ZNF385D: variants seen among roughly 807,000 people sequenced by gnomAD.
The protein encoded by ZNF385D is zinc finger protein 659.
Under a neutral mutation model 35.8 loss-of-function variants are expected in ZNF385D, and 15 were observed. The observed-to-expected ratio is 0.42, with a 90% CI of 0.28 to 0.64. The LOEUF (loss-of-function observed/expected upper bound fraction) is 0.64. Among genes scored for constraint, ZNF385D ranks in the 30% least tolerant of loss-of-function variants. The pLI is 0.23. For missense variants in ZNF385D, 474 were observed against 494.6 expected (o/e 0.96, Z 0.39); for synonymous variants, 212 against 186.8 (o/e 1.13, Z -1.10).
At chr3:22,090,272 T>G (rs1339919601) in intron 3 of ZNF385D, among the ~76,000 whole-genome samples, 1 of 152,198 alleles carries the variant, frequency 6.6e-6, no homozygotes, top group Non-Finnish European at 1.5e-5. Context: ...TATGCTTCAT[T>G]GCAGTGCTGA....
At chr3:21,471,001 A>C (rs1703850162) in intron 4 of ZNF385D, among the ~76,000 whole-genome samples, 1 of 152,124 alleles carries the variant, frequency 6.6e-6, no homozygotes. Context: ...AATATAGACT[A>C]ATATTGATCC....
chr3:22,343,222 A>G (rs1695502491), intron 2 of ZNF385D, among the ~76,000 whole-genome samples: 1 of 152,234 alleles, frequency 6.6e-6, no homozygotes, highest in African/African-American at 2.4e-5. Flanking sequence ...CTAATTCAAG[A>G]CCCATCATTA....
intron 4 of ZNF385D, among the ~76,000 whole-genome samples, chr3:21,471,254 T>TTC (rs1366485477): frequency 5.4e-4 from 57 of 105,236 alleles, no homozygotes; most frequent in African/African-American, 1.8e-3. Flanking sequence ...CTCCCTCCCT[T>TTC]TCTCTCTCTC....
intron 2 of ZNF385D, among the ~76,000 whole-genome samples, chr3:22,303,832 C>T (rs1472312765): frequency 6.6e-6 from 1 of 151,960 alleles, no homozygotes. Context: ...GGATAGAGTG[C>T]AATGGCGCAA....
intron 2 of ZNF385D, among the ~76,000 whole-genome samples, chr3:22,183,374 G>A (rs1695412386): frequency 1.3e-5 from 2 of 152,044 alleles, no homozygotes; most frequent in East Asian, 1.9e-4. Context: ...AATTTGAGAT[G>A]GAGTCTCACT....
chr3:21,785,219 C>T (rs2071641151), intron 3 of ZNF385D, among the ~76,000 whole-genome samples: 1 of 151,926 alleles, frequency 6.6e-6, no homozygotes, highest in Non-Finnish European at 1.5e-5. Context: ...TATCTGAGCC[C>T]CATATATTTT....
chr3:22,175,385 A>G (rs560601822), intron 2 of ZNF385D, among the ~76,000 whole-genome samples: 1 of 152,128 alleles, frequency 6.6e-6, no homozygotes, highest in East Asian at 1.9e-4. Context: ...TTGGAATATA[A>G]TTTCCAGAGA....
chr3:22,254,091 T>A (rs1700192678), intron 2 of ZNF385D, among the ~76,000 whole-genome samples: 2 of 151,810 alleles, frequency 1.3e-5, no homozygotes, highest in South Asian at 4.1e-4. Flanking sequence ...TTGCACAGTG[T>A]AAAACCTACA....
At chr3:21,920,137 G>C (rs551826223) in intron 3 of ZNF385D, among the ~76,000 whole-genome samples, 69 of 152,250 alleles carry the variant, frequency 4.5e-4, no homozygotes, top group African/African-American at 1.6e-3. Flanking sequence ...ATGCAACAGA[G>C]ACTATAGGTG....
chr3:22,035,277 T>A (rs561681971), intron 3 of ZNF385D, among the ~76,000 whole-genome samples: 1 of 152,304 alleles, frequency 6.6e-6, no homozygotes, highest in African/African-American at 2.4e-5. Flanking sequence ...GTCAAAATAA[T>A]GGCATTTAAA....
chr3:22,114,834 G>A (rs1486451436), intron 3 of ZNF385D, among the ~76,000 whole-genome samples: 1 of 151,988 alleles, frequency 6.6e-6, no homozygotes, highest in Admixed American at 6.6e-5. Flanking sequence ...TAGATCATGA[G>A]GACTTTTGTG....
chr3:22,034,861 A>C (rs1210212051), intron 3 of ZNF385D, among the ~76,000 whole-genome samples: 2 of 152,204 alleles, frequency 1.3e-5, no homozygotes, highest in African/African-American at 4.8e-5. Context: ...TGTATATGAT[A>C]ATTTAATAAA....
In ZNF385D at chr3:22,245,587, ATTTTAATTTTAAAATGGAAAATGTGTTT is replaced by A. The variant is rs1443860171; in HGVS notation, c.107-76580_107-76553del. On this transcript the variant is annotated intron_variant, in intron 2 of 5. Coordinates refer to the ZNF385D transcript ENST00000494108. Reference sequence around the variant, plus strand: ...TATTTTAAAGTTGCTTGATTAAAGCATTTTAATTTTAAAATGGAAAATGTGTTTCAGATTTGACAGCTTGCCACAACAG... The same window carrying A: ...TATTTTAAAGTTGCTTGATTAAAGCACAGATTTGACAGCTTGCCACAACAG... Among the ~76,000 whole-genome samples, 12 of 152,160 alleles carry A rather than the reference ATTTTAATTTTAAAATGGAAAATGTGTTT, an allele frequency of 7.9e-5. No homozygotes were observed. In the East Asian group the frequency reaches 2.1e-3, roughly 27 times the overall value.
At chr3:22,066,443 C>A (rs924480426) in intron 3 of ZNF385D, among the ~76,000 whole-genome samples, 5 of 122,922 alleles carry the variant, frequency 4.1e-5, no homozygotes, top group African/African-American at 1.3e-4. Flanking sequence ...TAAAAAGATA[C>A]TGGGTGAGAT....
chr3:21,902,790 T>C (rs1293061629), intron 3 of ZNF385D, among the ~76,000 whole-genome samples: 5 of 152,138 alleles, frequency 3.3e-5, no homozygotes, highest in South Asian at 2.1e-4. Flanking sequence ...TGTATACATA[T>C]GCATATGTAA....
intron 3 of ZNF385D, among the ~76,000 whole-genome samples, chr3:21,815,742 A>C (rs983358054): frequency 6.6e-6 from 1 of 152,220 alleles, no homozygotes. Context: ...GCTGAATTCT[A>C]CCAGAGGTAC....
At chr3:21,946,397 T>C (rs555398685) in intron 3 of ZNF385D, among the ~76,000 whole-genome samples, 2 of 152,328 alleles carry the variant, frequency 1.3e-5, no homozygotes, top group South Asian at 2.1e-4. Flanking sequence ...CATTAGTTTG[T>C]AGGCATTGCA....
At chr3:21,767,243 G>A (rs17009494) in intron 3 of ZNF385D, among the ~76,000 whole-genome samples, 3,240 of 152,048 alleles carry the variant, frequency 0.021, 108 homozygotes, top group African/African-American at 0.073. Context: ...CTATACATAC[G>A]TCTTAGGTTT....
intron 3 of ZNF385D, among the ~76,000 whole-genome samples, chr3:22,111,998 A>C (rs1702561400): frequency 2.0e-5 from 3 of 152,168 alleles, no homozygotes; most frequent in Admixed American, 2.0e-4. Context: ...GCTAATATGC[A>C]TAAATTAATC....
Sources: gnomAD v4.1 joint callset for allele counts (sites outside exome capture counted in the v4.1 genomes callset) on GRCh38, gnomAD v4.1.1 for gene constraint, MANE v1.5 for transcripts, NCBI Gene and HGNC (gene_info 2026-07-23, HGNC 2026-07-21) for gene names.